Variants in GRIK4 observed in about 807,000 individuals in gnomAD.
GRIK4 encodes the protein glutamate receptor ionotropic, kainate 4.
GRIK4 carries 40 observed loss-of-function variants against 104.9 expected under a neutral mutation model. The observed-to-expected ratio is 0.38, with a 90% confidence interval of 0.30 to 0.50. The LOEUF is 0.50. Ranked by LOEUF, GRIK4 falls within the 20% of genes least tolerant of loss-of-function variation. The probability of loss-of-function intolerance (pLI) is 0.93; values close to 1 mark genes in which losing one functional copy is unlikely to be tolerated. For synonymous variants in GRIK4, 485 were observed against 524.9 expected, an observed-to-expected ratio of 0.92 and a Z score of 1.04; for missense variants, 1,047 against 1,308.1, an observed-to-expected ratio of 0.80 and a Z score of 3.08.
intron 3 of GRIK4, 40 bp from the exon 4 acceptor site, chr11:120,802,653 G>T: frequency 6.4e-7 from 1 of 1,567,982 alleles, no homozygotes; most frequent in Non-Finnish European, 8.8e-7. Flanking sequence ...AACAGTAGCG[G>T]TGGAGTACCA....
chr11:120,866,245 C>T (rs1163942584), intron 9 of GRIK4, among the ~76,000 whole-genome samples: 1 of 152,202 alleles, frequency 6.6e-6, no homozygotes, highest in Non-Finnish European at 1.5e-5. Context: ...TTCACCTCCA[C>T]CTCTGGGAAG....
rs770526466 is a variant in GRIK4 at position 120,905,124 on chromosome 11, C to T, written c.1273-166C>T. Among the ~76,000 whole-genome samples the T allele has an allele frequency of 6.6e-6, 1 of 152,142 alleles. No individual in the cohort carries two copies. The highest frequency in any genetic ancestry group is 2.4e-5 in the African/African-American group (1 of 41,420). On this transcript the variant is annotated intron_variant, in intron 12 of 20. Transcript: ENST00000527524. This position sits in a 1 kb window ranked among gnomAD's most constrained non-coding sequence, Gnocchi z 5.1. ...TGAAGGACAGCTTTAAGGAGCACAT[C>T]AGGGAGAGGAGCTGGTCATCACCCC... is the stretch of plus-strand genomic sequence containing the variant.
At chr11:120,693,895 G>C (rs1019097487) in intron 3 of GRIK4, among the ~76,000 whole-genome samples, 8 of 152,168 alleles carry the variant, frequency 5.3e-5, no homozygotes, top group Admixed American at 3.9e-4. Flanking sequence ...CATTTGCCGT[G>C]TAGATGCACC....
At chr11:120,737,960 A>G (rs141968867) in intron 3 of GRIK4, among the ~76,000 whole-genome samples, 1 of 152,220 alleles carries the variant, frequency 6.6e-6, no homozygotes, top group Non-Finnish European at 1.5e-5. Flanking sequence ...AGAAAAAGTG[A>G]TGAAAACATA....
At chr11:120,696,310 G>T (rs1950448093) in intron 3 of GRIK4, among the ~76,000 whole-genome samples, 1 of 152,136 alleles carries the variant, frequency 6.6e-6, no homozygotes, top group Non-Finnish European at 1.5e-5. Context: ...GTCCTGTACA[G>T]CAGACTTACG....
intron 3 of GRIK4, among the ~76,000 whole-genome samples, chr11:120,744,840 T>A (rs138059502): frequency 3.3e-5 from 5 of 152,304 alleles, no homozygotes; most frequent in Non-Finnish European, 5.9e-5. Context: ...TAACTGTTAT[T>A]TATATAAGAG....
intron 1 of GRIK4, among the ~76,000 whole-genome samples, chr11:120,579,108 T>A (rs560068764): frequency 6.6e-6 from 1 of 152,300 alleles, no homozygotes; most frequent in South Asian, 2.1e-4. Flanking sequence ...ATCCACTGTA[T>A]GCCAGGCCCT....
rs575939395 is a variant in GRIK4, at chr11:120,700,527, C to T, written c.82+40127C>T. On this transcript the variant is annotated intron_variant, in intron 3 of 20. Coordinates refer to ENST00000527524, the MANE Select transcript of GRIK4 (RefSeq NM_014619.5). ...AGGCTGGGGTGCAGTGGCGTGATCT[C>T]GGCTCACTGCAACCTTCACCTCCTG... Among the ~76,000 whole-genome samples the T allele has an allele frequency of 7.3e-5, 11 of 151,616 alleles. No homozygotes were observed. In the South Asian group the frequency reaches 1.3e-3, roughly 17 times the overall value.
intron 1 of GRIK4, among the ~76,000 whole-genome samples, chr11:120,606,367 G>A (rs941991867): frequency 3.9e-5 from 6 of 152,160 alleles, no homozygotes; most frequent in African/African-American, 1.4e-4. Context: ...AGGGCAGAAT[G>A]GCCACATGTA....
At chr11:120,521,813 T>G (rs1353927317) in intron 1 of GRIK4, among the ~76,000 whole-genome samples, 1 of 152,230 alleles carries the variant, frequency 6.6e-6, no homozygotes, top group Non-Finnish European at 1.5e-5. Context: ...TCGAGATCAT[T>G]GCATTTGACG....
intron 1 of GRIK4, among the ~76,000 whole-genome samples, chr11:120,552,636 C>T (rs541914813): frequency 1.3e-5 from 2 of 152,206 alleles, no homozygotes; most frequent in African/African-American, 4.8e-5. Context: ...AACGTTCAGT[C>T]GCTGGTGCAG....
chr11:120,868,072 T>G (rs1042601184), intron 9 of GRIK4: 15 of 152,216 alleles, frequency 9.9e-5, no homozygotes, highest in African/African-American at 3.4e-4. Context: ...AATGGGCATC[T>G]GGGAGGATCC....
intron 1 of GRIK4, among the ~76,000 whole-genome samples, chr11:120,539,656 A>C (rs956957795): frequency 1.3e-5 from 2 of 152,164 alleles, no homozygotes; most frequent in Non-Finnish European, 2.9e-5. Context: ...TGCCATTACC[A>C]ATATGTCTTT....
intron 2 of GRIK4, among the ~76,000 whole-genome samples, chr11:120,654,641 G>C (rs1288122975): frequency 6.6e-6 from 1 of 152,206 alleles, no homozygotes; most frequent in Non-Finnish European, 1.5e-5. Flanking sequence ...GGGATTACAG[G>C]TGTTAGCCAC....
rs1944747558 is a variant in GRIK4 at position 120,986,215 on chromosome 11, G to A, written c.2826G>A (p.Glu942=). Residue 942 remains glutamate (E), a synonymous_variant, in exon 21 of 21, where the codon GAG becomes GAA. Transcript: ENST00000527524. ...GGCCGTCGCCCGCCCGCAGCGAGGA[G>A]AGCCTGGAGTGGGAGAAAACCACCA... ...RARPSPARSE[E]SLEWEKTTNS... 6.4e-7 allele frequency: 1 copy of A among 1,572,578 alleles called. No individual in the cohort carries two copies. Among genetic ancestry groups the A allele is most frequent in the African/African-American group, 1.4e-5 (1 of 71,638 alleles).
chr11:120,517,579 T>C (rs75056426), intron 1 of GRIK4, among the ~76,000 whole-genome samples: 1,684 of 150,666 alleles, frequency 0.011, 160 homozygotes, highest in East Asian at 0.07. Flanking sequence ...TGCGGGGTGT[T>C]GGGAGAGAGG....
Position 120,874,074 on chromosome 11 carries a change from G to C in GRIK4, c.915G>C (p.Ser305=). The C allele has an allele frequency of 6.2e-7, 1 of 1,605,682 alleles. No individual in the cohort carries two copies. The highest frequency in any genetic ancestry group is 8.5e-7 in the Non-Finnish European group (1 of 1,173,518). The part of the protein sequence containing the change: ...HVPFTGPALS[S]ALLFDAVYAV... ...TCCCCGGCCTCTCCCAGCTCTCCTC[G>C]GCCCTGCTGTTTGATGCTGTCTATG... The change falls in exon 10 of 21, where the codon TCG becomes TCC. Residue 305 remains serine, a synonymous_variant. Coordinates refer to ENST00000527524, the MANE Select transcript of GRIK4 (RefSeq NM_014619.5).
chr11:120,834,601 G>T (rs1953524255), intron 7 of GRIK4, among the ~76,000 whole-genome samples: 1 of 133,686 alleles, frequency 7.5e-6, no homozygotes, highest in Non-Finnish European at 1.7e-5. Context: ...CAGGGCCTCA[G>T]CAAGGATGGG....
chr11:120,935,179 G>C (rs1943569785), intron 13 of GRIK4, among the ~76,000 whole-genome samples: 1 of 152,172 alleles, frequency 6.6e-6, no homozygotes, highest in African/African-American at 2.4e-5. Context: ...GCCTCTGCTT[G>C]AACCCTTTCA....
Sources: allele counts gnomAD v4.1 joint callset (sites outside exome capture counted in the v4.1 genomes callset), GRCh38; gene constraint gnomAD v4.1.1; non-coding constraint Gnocchi (gnomAD v3.1); transcripts MANE v1.5; gene names NCBI Gene and HGNC (gene_info 2026-07-23, HGNC 2026-07-21).